Variants in TMEM163 observed in about 807,000 individuals in gnomAD.
The protein encoded by TMEM163 is transmembrane protein 163.
Under a neutral mutation model 29.3 loss-of-function variants are expected in TMEM163, and 17 were observed. The observed-to-expected ratio is 0.58, with a 90% CI of 0.40 to 0.87. The LOEUF (loss-of-function observed/expected upper bound fraction) is 0.87, where lower values mean the gene tolerates loss of function less well. Among genes scored for constraint, TMEM163 ranks in the 40% least tolerant of loss-of-function variants. The probability of loss-of-function intolerance (pLI) is 0.00; values close to 1 mark genes in which losing one functional copy is unlikely to be tolerated. For synonymous variants in TMEM163, 157 were observed against 160.6 expected (o/e 0.98, Z 0.17); for missense variants, 303 against 381.5 (o/e 0.79, Z 1.71).
At chr2:134,555,641 T>C (rs541435683) in intron 2 of TMEM163, among the ~76,000 whole-genome samples, 3 of 152,242 alleles carry the variant, frequency 2.0e-5, no homozygotes, top group African/African-American at 7.2e-5. Context: ...TAGAAACACA[T>C]TGCTATCTGA....
At chr2:134,520,379 C>A (rs1395105532) in intron 4 of TMEM163, among the ~76,000 whole-genome samples, 1 of 152,172 alleles carries the variant, frequency 6.6e-6, no homozygotes, top group Non-Finnish European at 1.5e-5. Context: ...TAGAGTACTC[C>A]ACAAAGCACA....
rs547821830 is a variant in TMEM163, at chr2:134,585,721, G to C, written c.323-33630C>G. Among the ~76,000 whole-genome samples the C allele has an allele frequency of 3.8e-4, 55 of 144,504 alleles. No homozygotes were observed. The South Asian group carries it at 0.013, about 33-fold the overall frequency. 94.8% of individuals were successfully genotyped at this position (144,504 alleles called of 152,430 possible). A position where few individuals can be genotyped will look rare whatever the true frequency, so the allele number is the denominator to read the frequency against. ...CGCGCCACTGCACTCCAGCCTGGGCGACAGAGCGAGACTCCGTCTCAAAAA... is the reference window on the plus strand; with the variant it reads ...CGCGCCACTGCACTCCAGCCTGGGCCACAGAGCGAGACTCCGTCTCAAAAA... On this transcript the variant is annotated intron_variant, in intron 2 of 7. Transcript: ENST00000281924.
At chr2:134,695,782 T>G (rs971142621) in intron 2 of TMEM163, among the ~76,000 whole-genome samples, 2 of 152,156 alleles carry the variant, frequency 1.3e-5, no homozygotes, top group African/African-American at 4.8e-5. Context: ...AAGTTTTGGT[T>G]GGGCATGGTA....
intron 4 of TMEM163, among the ~76,000 whole-genome samples, chr2:134,535,612 T>C (rs1191341440): frequency 1.3e-5 from 2 of 152,238 alleles, no homozygotes; most frequent in Non-Finnish European, 2.9e-5. Flanking sequence ...GACCTGCCTA[T>C]AGTTAACAAT....
At chr2:134,610,159 G>A (rs1198327607) in intron 2 of TMEM163, among the ~76,000 whole-genome samples, 1 of 152,200 alleles carries the variant, frequency 6.6e-6, no homozygotes, top group African/African-American at 2.4e-5. Context: ...GAGAAGAGAT[G>A]GCCGTAAACA....
At chr2:134,671,411 T>C (rs530470246) in intron 2 of TMEM163, among the ~76,000 whole-genome samples, 2 of 152,158 alleles carry the variant, frequency 1.3e-5, no homozygotes, top group African/African-American at 4.8e-5. Flanking sequence ...CAGATGACCA[T>C]GGCGCTGCCC....
intron 2 of TMEM163, among the ~76,000 whole-genome samples, chr2:134,682,110 G>T (rs1193482959): frequency 6.6e-6 from 1 of 152,182 alleles, no homozygotes; most frequent in Non-Finnish European, 1.5e-5. Context: ...CACAGAAAAT[G>T]ACTGGTGTGA....
intron 2 of TMEM163, among the ~76,000 whole-genome samples, chr2:134,598,438 A>C (rs1039686837): frequency 6.6e-6 from 1 of 152,208 alleles, no homozygotes; most frequent in Non-Finnish European, 1.5e-5. Context: ...CCATCGTGTG[A>C]GGTATATATG....
At chr2:134,461,618 G>A (rs1429077485) in intron 6 of TMEM163, among the ~76,000 whole-genome samples, 1 of 152,206 alleles carries the variant, frequency 6.6e-6, no homozygotes, top group Admixed American at 6.5e-5. Context: ...AACCAGATCA[G>A]ACCAGATTCA....
intron 6 of TMEM163, 70 bp from the exon 7 acceptor site, chr2:134,458,243 C>T (rs1264008958): frequency 6.3e-7 from 1 of 1,580,828 alleles, no homozygotes; most frequent in Non-Finnish European, 8.7e-7. Flanking sequence ...AAATGCCAGT[C>T]CTGCCTCCAC....
At chr2:134,594,389 G>A (rs531057215) in intron 2 of TMEM163, among the ~76,000 whole-genome samples, 1 of 152,216 alleles carries the variant, frequency 6.6e-6, no homozygotes, top group African/African-American at 2.4e-5. Flanking sequence ...CAGTGAGTGT[G>A]ATGCAGTCTG....
chr2:134,602,482 G>A (rs943126127), intron 2 of TMEM163, among the ~76,000 whole-genome samples: 1 of 152,114 alleles, frequency 6.6e-6, no homozygotes, highest in Non-Finnish European at 1.5e-5. Context: ...GCCCCAGTTA[G>A]GAAGTGGTGT....
chr2:134,458,090 A>G lies in TMEM163; in HGVS notation c.751T>C (p.Tyr251His), dbSNP rs773336823. Reference sequence around the variant, plus strand: ...AGAACGCCTATGCTGCCGTCCAGGTACCAGACCGCCGAGTCATGCTTGAAC... The same window carrying G: ...AGAACGCCTATGCTGCCGTCCAGGTGCCAGACCGCCGAGTCATGCTTGAAC... ...EVFKHDSAVW[Y>H]LDGSIGVLIG... The change falls in exon 7 of 8, where the codon TAC (tyrosine) becomes CAC (histidine). Residue 251 changes from tyrosine to histidine, a missense_variant. Coordinates refer to ENST00000281924, the MANE Select transcript of TMEM163 (RefSeq NM_030923.5). 3 of 1,614,194 alleles carry G rather than the reference A, an allele frequency of 1.9e-6. No individual in the cohort carries two copies. The highest frequency in any genetic ancestry group is 1.7e-6 in the Non-Finnish European group (2 of 1,180,024).
intron 4 of TMEM163, among the ~76,000 whole-genome samples, chr2:134,516,754 AAT>A (rs1169636574): frequency 2.5e-5 from 2 of 79,438 alleles, no homozygotes; most frequent in African/African-American, 1.2e-4. Flanking sequence ...TATATATATG[AAT>A]AGATATATAT....
At chr2:134,549,690 G>T (rs907918570) in intron 4 of TMEM163, among the ~76,000 whole-genome samples, 2 of 152,248 alleles carry the variant, frequency 1.3e-5, no homozygotes, top group East Asian at 1.9e-4. Flanking sequence ...ACAGAAAGGG[G>T]CATTTACTCA....
In TMEM163 at chr2:134,465,671, C is replaced by G. The variant is rs1434999179; in HGVS notation, c.667+443G>C. 3.9e-5 allele frequency among the ~76,000 whole-genome samples: 6 copies of G among 152,340 alleles called. 1 individual carries two copies. The highest frequency in any genetic ancestry group is 1.4e-4 in the African/African-American group (6 of 41,578). ...ACAGGTCATTTCCCCAGAGCAGACA[C>G]CTGGTAACTGCAACCTGAACTCCCA... On this transcript the variant is annotated intron_variant, in intron 6 of 7. Transcript: ENST00000281924.
intron 2 of TMEM163, among the ~76,000 whole-genome samples, chr2:134,698,953 G>A (rs1684637170): frequency 6.6e-6 from 1 of 152,108 alleles, no homozygotes; most frequent in Non-Finnish European, 1.5e-5. Context: ...TCCACATTGA[G>A]CCACTGGATC....
intron 2 of TMEM163, among the ~76,000 whole-genome samples, chr2:134,603,824 G>A (rs1009893808): frequency 6.8e-6 from 1 of 146,788 alleles, no homozygotes; most frequent in African/African-American, 2.5e-5. Context: ...TATATAAGGT[G>A]GAAGGTGGGG....
chr2:134,520,902 A>G (rs1178901412), intron 4 of TMEM163, among the ~76,000 whole-genome samples: 4 of 152,026 alleles, frequency 2.6e-5, no homozygotes, highest in African/African-American at 9.7e-5. Flanking sequence ...TCCCCCTTGA[A>G]GTTTCTTCTT....
Sources: gnomAD v4.1 joint callset for allele counts (sites outside exome capture counted in the v4.1 genomes callset) on GRCh38, gnomAD v4.1.1 for gene constraint, MANE v1.5 for transcripts, NCBI Gene and HGNC (gene_info 2026-07-23, HGNC 2026-07-21) for gene names.